Variants in COX10 observed in about 807,000 individuals in gnomAD.
The protein encoded by COX10 is protoheme IX farnesyltransferase, mitochondrial.
In COX10, 27 loss-of-function variants were observed where a neutral mutation model predicts 37.3. That is an observed-to-expected ratio of 0.72 (90% confidence interval 0.53 to 1.00). The LOEUF (loss-of-function observed/expected upper bound fraction) is 1.00, where lower values mean the gene tolerates loss of function less well. Ranked by LOEUF, COX10 falls within the 50% of genes least tolerant of loss-of-function variation. COX10 has a pLI of 0.00. For missense variants in COX10, 475 were observed against 563.2 expected (o/e 0.84, Z 1.59); for synonymous variants, 222 against 229.1 (o/e 0.97, Z 0.28).
chr17:14,152,715 C>T (rs1346609521), intron 4 of COX10, among the ~76,000 whole-genome samples: 2 of 152,180 alleles, frequency 1.3e-5, no homozygotes, highest in Non-Finnish European at 2.9e-5. Flanking sequence ...AACTAGACCA[C>T]GTGGCTGTCT....
rs772463223 is a variant in COX10, at chr17:14,102,237, AATC to A, written c.621_623del (p.Asn207_Gln208delinsLys). On this transcript the variant is annotated inframe_deletion and splice_region_variant, in exon 4 of 7. Coordinates refer to ENST00000261643, the MANE Select transcript of COX10 (RefSeq NM_001303.4). ...TGCATCCTGTGCTGCCAACTCCATCAATCAGGTCAGTTTCTCACTTTCATCTAA... is the reference window on the plus strand; with the variant it reads ...TGCATCCTGTGCTGCCAACTCCATCAAGGTCAGTTTCTCACTTTCATCTAA... 5.6e-6 allele frequency: 9 copies of A among 1,613,458 alleles called. No homozygotes were observed. The South Asian group carries it at 9.9e-5, about 18-fold the overall frequency.
At chr17:14,169,633 A>T (rs570547419) in intron 5 of COX10, among the ~76,000 whole-genome samples, 31 of 152,212 alleles carry the variant, frequency 2.0e-4, no homozygotes, top group Non-Finnish European at 3.8e-4. Flanking sequence ...TTGTTTGAAC[A>T]TTTCTGGCAA....
intron 3 of COX10, among the ~76,000 whole-genome samples, chr17:14,087,623 A>C (rs1408255675): frequency 6.6e-6 from 1 of 151,928 alleles, no homozygotes; most frequent in Non-Finnish European, 1.5e-5. Context: ...CTGGTTTAGC[A>C]GTTCTGTGGC....
intron 5 of COX10, among the ~76,000 whole-genome samples, chr17:14,167,357 T>C (rs543723465): frequency 1.2e-3 from 187 of 152,340 alleles, no homozygotes; most frequent in African/African-American, 4.1e-3. Context: ...AAACAAAGGA[T>C]TTAAAATTTT....
chr17:14,192,241 G>T lies in COX10; in HGVS notation c.928+20G>T. ...ATGCTGGTAAGTGTCCCGCGATGTG[G>T]AGTCTCATATGAGCACACTCGGTCA... On this transcript the variant is annotated intron_variant, in intron 6 of 6. Transcript: ENST00000261643. The T allele has an allele frequency of 6.2e-7, 1 of 1,614,180 alleles. No homozygotes were observed. The highest frequency in any genetic ancestry group is 1.1e-5 in the South Asian group (1 of 91,090).
chr17:14,134,248 C>A (rs1302280105), intron 4 of COX10, among the ~76,000 whole-genome samples: 1 of 151,688 alleles, frequency 6.6e-6, no homozygotes, highest in Non-Finnish European at 1.5e-5. Flanking sequence ...TACTTGTACT[C>A]ATGACCTTTA....
rs573174357 is a variant in COX10, at chr17:14,143,705, C to T, written c.625-16172C>T. ...CTTTCAGGGTGTTATTGAACATTTT[C>T]AACACGTTGAACATTATCAAAAGCA... On this transcript the variant is annotated intron_variant, in intron 4 of 6. Transcript: ENST00000261643. Among the ~76,000 whole-genome samples the T allele has an allele frequency of 3.3e-5, 5 of 152,278 alleles. No homozygotes were observed. The East Asian group carries it at 9.6e-4, about 29-fold the overall frequency.
At chr17:14,197,229 C>G (rs987220026) in intron 6 of COX10, among the ~76,000 whole-genome samples, 53 of 152,132 alleles carry the variant, frequency 3.5e-4, no homozygotes, top group Non-Finnish European at 1.2e-4. Flanking sequence ...AGTGCTCCAC[C>G]AAGCAAGGAA....
In COX10 at chr17:14,074,036, G is replaced by A. The variant is rs73979153; in HGVS notation, c.44-287G>A. Among the ~76,000 whole-genome samples the A allele has an allele frequency of 0.018, 2,797 of 152,162 alleles. 86 individuals carry two copies. The highest frequency in any genetic ancestry group is 0.064 in the African/African-American group (2,641 of 41,498). On this transcript the variant is annotated intron_variant, in intron 1 of 6. Coordinates refer to ENST00000261643, the MANE Select transcript of COX10 (RefSeq NM_001303.4). ...AACGGGTTGTTTTATATTTTCTTAAGAAGATATGTAGCGTGGTCATTTCAG... is the reference window on the plus strand; with the variant it reads ...AACGGGTTGTTTTATATTTTCTTAAAAAGATATGTAGCGTGGTCATTTCAG...
At chr17:14,109,591 A>G (rs1222065213) in intron 4 of COX10, among the ~76,000 whole-genome samples, 4 of 152,178 alleles carry the variant, frequency 2.6e-5, no homozygotes, top group African/African-American at 9.6e-5. Flanking sequence ...TAATGGTACT[A>G]TTGATCACAC....
intron 4 of COX10, among the ~76,000 whole-genome samples, chr17:14,141,035 G>A (rs998232486): frequency 7.9e-5 from 12 of 151,858 alleles, no homozygotes; most frequent in African/African-American, 2.2e-4. Context: ...CATGGATATC[G>A]TCTAGGATTT....
intron 4 of COX10, among the ~76,000 whole-genome samples, chr17:14,142,280 G>C (rs549832982): frequency 6.6e-6 from 1 of 152,304 alleles, no homozygotes; most frequent in Admixed American, 6.5e-5. Context: ...TAGTTGTGCA[G>C]ACACGGAAAA....
chr17:14,143,120 T>C lies in COX10; in HGVS notation c.625-16757T>C, dbSNP rs905286505. 2.0e-5 allele frequency among the ~76,000 whole-genome samples: 3 copies of C among 152,214 alleles called. 1 individual carries two copies. Among genetic ancestry groups the C allele is most frequent in the Non-Finnish European group, 4.4e-5 (3 of 68,042 alleles). On this transcript the variant is annotated intron_variant, in intron 4 of 6. Transcript: ENST00000261643. ...AGCTAGGAACAGTTGTAAAAAGCTG[T>C]CAGGAGTATTCAAATTAACAACTGT...
Position 14,074,375 on chromosome 17 carries a change from C to T in COX10, c.96C>T (p.Ser32=), listed in dbSNP as rs1285456486. 6.2e-7 allele frequency: 1 copy of T among 1,613,810 alleles called. No homozygotes were observed. The highest frequency in any genetic ancestry group is 8.5e-7 in the Non-Finnish European group (1 of 1,179,766). The stretch of plus-strand genomic sequence containing the variant: ...TTGAAAGAAGAACTATACAGGACTC[C>T]CCTCACAAGTTCTTACATCTTCTCA... ...WYLERRTIQD[S]PHKFLHLLRN... The change falls in exon 2 of 7, where the codon TCC becomes TCT. Residue 32 remains serine, a synonymous_variant. Coordinates refer to ENST00000261643, the MANE Select transcript of COX10 (RefSeq NM_001303.4).
chr17:14,083,158 A>G (rs2142187035), intron 3 of COX10, among the ~76,000 whole-genome samples: 1 of 152,332 alleles, frequency 6.6e-6, no homozygotes, highest in Admixed American at 6.5e-5. Flanking sequence ...CCAGGGCAGT[A>G]AATTTCCCTT....
chr17:14,124,722 G>A (rs1373559156), intron 4 of COX10, among the ~76,000 whole-genome samples: 4 of 152,156 alleles, frequency 2.6e-5, no homozygotes, highest in Non-Finnish European at 5.9e-5. Context: ...GTGAAGTTCA[G>A]CTAACCGTGC....
intron 3 of COX10, among the ~76,000 whole-genome samples, chr17:14,079,129 A>G (rs936453994): frequency 5.9e-5 from 9 of 152,346 alleles, no homozygotes; most frequent in African/African-American, 2.2e-4. Context: ...TTGAGATGAT[A>G]TCCACATCTA....
intron 3 of COX10, among the ~76,000 whole-genome samples, chr17:14,083,191 C>G (rs1402210062): frequency 2.0e-5 from 3 of 152,200 alleles, no homozygotes; most frequent in Admixed American, 2.0e-4. Flanking sequence ...ATATTCCACG[C>G]CCCAGGTTTC....
intron 5 of COX10, among the ~76,000 whole-genome samples, chr17:14,169,841 G>T (rs545702965): frequency 3.3e-5 from 5 of 152,308 alleles, no homozygotes; most frequent in Admixed American, 3.3e-4. Context: ...ATGTTTTGGT[G>T]TTGGGAGGTA....
Sources: allele counts gnomAD v4.1 joint callset (sites outside exome capture counted in the v4.1 genomes callset), GRCh38; gene constraint gnomAD v4.1.1; transcripts MANE v1.5; gene names NCBI Gene and HGNC (gene_info 2026-07-23, HGNC 2026-07-21).